FBN1: variants seen among roughly 807,000 people sequenced by gnomAD.
FBN1 encodes fibrillin-1.
A neutral mutation model predicts 365.1 loss-of-function variants in FBN1; 29 were observed. The observed-to-expected ratio is 0.08, with a 90% CI of 0.06 to 0.11. The LOEUF (loss-of-function observed/expected upper bound fraction) is 0.11, where lower values mean the gene tolerates loss of function less well. Among genes scored for constraint, FBN1 ranks in the 10% least tolerant of loss-of-function variants. FBN1 has a pLI of 1.00. For missense variants in FBN1, 2,476 were observed against 3,703.2 expected, an observed-to-expected ratio of 0.67 and a Z score of 8.60; for synonymous variants, 1,210 against 1,270.5, an observed-to-expected ratio of 0.95 and a Z score of 1.01.
chr15:48,508,479 A>G lies in FBN1; in HGVS notation c.1837+103T>C, dbSNP rs968822699. The G allele has an allele frequency of 7.9e-6, 12 of 1,514,812 alleles. No homozygotes were observed. The African/African-American group carries it at 1.7e-4, about 21-fold the overall frequency. The allele number at this position is 1,514,812 out of a possible 1,614,324, so 93.8% of individuals were successfully genotyped here. A position where few individuals can be genotyped will look rare whatever the true frequency, so the allele number is the denominator to read the frequency against. Reference sequence around the variant, plus strand: ...GGTTTCCCAAACCAAAATTCAAGGTACTTTAAGTGGGGAGAATCAGTAAAG... The same window carrying G: ...GGTTTCCCAAACCAAAATTCAAGGTGCTTTAAGTGGGGAGAATCAGTAAAG... On this transcript the variant is annotated intron_variant, in intron 15 of 65. Transcript: ENST00000316623.
At chr15:48,642,294 G>C (rs1317844735) in intron 2 of FBN1, 1 of 152,166 alleles carries the variant, frequency 6.6e-6, no homozygotes, top group African/African-American at 2.4e-5. Flanking sequence ...CAGGAGAATC[G>C]CTTGAGCCGG....
chr15:48,541,311 C>T (rs752613984), intron 6 of FBN1, among the ~76,000 whole-genome samples: 23 of 152,146 alleles, frequency 1.5e-4, no homozygotes, highest in Non-Finnish European at 2.5e-4. Context: ...GGACTTAGTA[C>T]ATTTCTGTGC....
At chr15:48,434,557 T>C (rs2043049524) in intron 54 of FBN1, 37 bp downstream of exon 54, 2 of 1,612,606 alleles carry the variant, frequency 1.2e-6, no homozygotes, top group Non-Finnish European at 1.7e-6. Flanking sequence ...CCAGGATCAG[T>C]ACACGTAATC....
At chr15:48,438,110 G>A (rs1023841642) in intron 50 of FBN1, among the ~76,000 whole-genome samples, 193 bp from the exon 51 acceptor site, 6 of 152,168 alleles carry the variant, frequency 3.9e-5, no homozygotes, top group African/African-American at 1.4e-4. Context: ...AGTGAGATCT[G>A]ATGAACAACT....
chr15:48,551,925 T>C (rs1183245946), intron 6 of FBN1, among the ~76,000 whole-genome samples: 1 of 152,224 alleles, frequency 6.6e-6, no homozygotes, highest in East Asian at 1.9e-4. Context: ...GTTAGGTGGA[T>C]TTCATTTCTT....
At chr15:48,486,597 A>G (rs1384231086) in intron 29 of FBN1, among the ~76,000 whole-genome samples, 1 of 152,190 alleles carries the variant, frequency 6.6e-6, no homozygotes, top group Non-Finnish European at 1.5e-5. Flanking sequence ...CTTCTTTCCA[A>G]TAGTTATTTT....
At chr15:48,466,096 C>T (rs969879153) in intron 38 of FBN1, among the ~76,000 whole-genome samples, 13 of 152,210 alleles carry the variant, frequency 8.5e-5, no homozygotes, top group African/African-American at 3.1e-4. Flanking sequence ...TCTAACCACT[C>T]CCTGGTCTTA....
chr15:48,452,166 C>G (rs1173644797), intron 45 of FBN1, among the ~76,000 whole-genome samples: 1 of 152,182 alleles, frequency 6.6e-6, no homozygotes. Context: ...GTGAAAACCT[C>G]ACCTTTCTGA....
At chr15:48,627,522 T>C (rs1889906852) in intron 2 of FBN1, among the ~76,000 whole-genome samples, 1 of 152,230 alleles carries the variant, frequency 6.6e-6, no homozygotes, top group Non-Finnish European at 1.5e-5. Flanking sequence ...TGGGTGTGGC[T>C]TGTCTTTTGA....
chr15:48,611,239 C>A (rs1263877529), intron 3 of FBN1, among the ~76,000 whole-genome samples: 2 of 151,934 alleles, frequency 1.3e-5, no homozygotes, highest in African/African-American at 4.8e-5. Context: ...TCTTGGGAGC[C>A]AATTTTATTG....
chr15:48,465,733 A>C, intron 39 of FBN1, 40 bp from the exon 40 acceptor site: 1 of 1,613,754 alleles, frequency 6.2e-7, no homozygotes, highest in Non-Finnish European at 8.5e-7. Context: ...TAGCATTGTA[A>C]ATAAACCCAA....
chr15:48,445,280 A>G lies in FBN1; in HGVS notation c.5917+96T>C, dbSNP rs2043148495. 8 of 1,382,516 alleles carry G rather than the reference A, an allele frequency of 5.8e-6. No individual in the cohort carries two copies. The South Asian group carries it at 9.3e-5, about 16-fold the overall frequency. The allele number at this position is 1,382,516 out of a possible 1,614,324, so 85.6% of individuals were successfully genotyped here. A position where few individuals can be genotyped will look rare whatever the true frequency, so the allele number is the denominator to read the frequency against. On this transcript the variant is annotated intron_variant, in intron 48 of 65. Coordinates refer to ENST00000316623, the MANE Select transcript of FBN1 (RefSeq NM_000138.5). ...ATAATTCTACTCTGACTTTTCCTCC[A>G]GGTTTCCAGAAAGAAGCATTAGAAC...
chr15:48,612,681 C>G (rs1225120922), intron 3 of FBN1, among the ~76,000 whole-genome samples: 1 of 152,062 alleles, frequency 6.6e-6, no homozygotes, highest in Admixed American at 6.6e-5. Flanking sequence ...CGTGAGTGGC[C>G]AACAAAGTTA....
intron 4 of FBN1, among the ~76,000 whole-genome samples, chr15:48,605,701 T>C (rs1167101077): frequency 6.6e-6 from 1 of 152,058 alleles, no homozygotes; most frequent in African/African-American, 2.4e-5. Context: ...GGCAAAACCC[T>C]GTCTCTACCA....
chr15:48,644,349 T>C (rs1890251577), intron 2 of FBN1: 1 of 557,022 alleles, frequency 1.8e-6, no homozygotes, highest in African/African-American at 1.9e-5. Context: ...GGAACTCTTC[T>C]CGCCTCCCAA....
At position 48,432,891 on chromosome 15, in the gene FBN1, G is replaced by A; in HGVS notation, c.6714C>T (p.Leu2238=). The change falls in exon 55 of 66, where the codon CTC becomes CTT. Residue 2238 remains leucine (L), a synonymous_variant. Transcript: ENST00000316623. ...CTTTGCACATCCTACGGTCTTCTCT[G>A]AGCACATATCCCACGGGACATTTGC... The part of the protein sequence containing the change: ...YECKCPVGYV[L]REDRRMCKDE... The A allele has an allele frequency of 1.2e-6, 2 of 1,613,604 alleles. No homozygotes were observed. Among genetic ancestry groups the A allele is most frequent in the Non-Finnish European group, 1.7e-6 (2 of 1,179,680 alleles).
intron 64 of FBN1, among the ~76,000 whole-genome samples, chr15:48,413,907 ATT>A (rs1464299187): frequency 6.6e-6 from 1 of 152,172 alleles, no homozygotes; most frequent in African/African-American, 2.4e-5. Flanking sequence ...AGTCCAATAC[ATT>A]TCCTTTCCTC....
chr15:48,611,026 C>A (rs1032711550), intron 3 of FBN1, among the ~76,000 whole-genome samples, 200 bp from the exon 4 acceptor site: 10 of 152,198 alleles, frequency 6.6e-5, no homozygotes, highest in Non-Finnish European at 1.0e-4. Flanking sequence ...TTAAAATCCA[C>A]AACTCCTTTA....
At chr15:48,592,609 G>A (rs952048603) in intron 6 of FBN1, among the ~76,000 whole-genome samples, 13 of 152,086 alleles carry the variant, frequency 8.5e-5, no homozygotes, top group African/African-American at 3.1e-4. Flanking sequence ...AAGGCAAAGG[G>A]TCGGAGTAGG....
Sources: gnomAD v4.1 joint callset for allele counts (sites outside exome capture counted in the v4.1 genomes callset) on GRCh38, gnomAD v4.1.1 for gene constraint, MANE v1.5 for transcripts, NCBI Gene and HGNC (gene_info 2026-07-23, HGNC 2026-07-21) for gene names.